Variants in HMBOX1 observed in about 807,000 individuals in gnomAD.
HMBOX1 encodes homeobox containing 1.
HMBOX1 carries 14 observed loss-of-function variants against 54.5 expected under a neutral mutation model. The observed-to-expected ratio is 0.26, with a 90% CI of 0.17 to 0.40. The LOEUF (loss-of-function observed/expected upper bound fraction) is 0.40. HMBOX1 is among the 10% of genes least tolerant of loss of function. The pLI is 1.00. For missense variants in HMBOX1, 332 were observed against 514.4 expected (o/e 0.65, Z 3.43); for synonymous variants, 160 against 181.0 (o/e 0.88, Z 0.93).
At chr8:28,940,687 T>A (rs1262827224) in intron 1 of HMBOX1, among the ~76,000 whole-genome samples, 1 of 152,226 alleles carries the variant, frequency 6.6e-6, no homozygotes, top group Non-Finnish European at 1.5e-5. Flanking sequence ...TTGCATTCTG[T>A]CTCTGGCTTC....
At chr8:28,946,172 C>T (rs1364473082) in intron 1 of HMBOX1, among the ~76,000 whole-genome samples, 1 of 151,416 alleles carries the variant, frequency 6.6e-6, no homozygotes, top group African/African-American at 2.4e-5. Flanking sequence ...AGGCTGGTCT[C>T]GAGCTCCTGA....
At chr8:28,918,071 A>G (rs1296640468) in intron 1 of HMBOX1, among the ~76,000 whole-genome samples, 3 of 152,154 alleles carry the variant, frequency 2.0e-5, no homozygotes, top group Non-Finnish European at 2.9e-5. Context: ...TAGGATTGCC[A>G]TTATTTCTTC....
At chr8:29,031,822 AATGTCATGCAAGAG>A (rs1253036949) in intron 6 of HMBOX1, among the ~76,000 whole-genome samples, 20 of 152,280 alleles carry the variant, frequency 1.3e-4, no homozygotes, top group African/African-American at 4.1e-4. Flanking sequence ...TCAGGTTAAA[AATGTCATGCAAGAG>A]ATGTGTACCA....
intron 4 of HMBOX1, among the ~76,000 whole-genome samples, chr8:29,000,219 C>G (rs1052438843): frequency 6.6e-6 from 1 of 152,274 alleles, no homozygotes; most frequent in Admixed American, 6.5e-5. Flanking sequence ...TGTCAAGGGG[C>G]TCTCTCTGTG....
intron 6 of HMBOX1, among the ~76,000 whole-genome samples, chr8:29,030,846 C>T (rs369063890): frequency 4.6e-5 from 7 of 152,146 alleles, no homozygotes; most frequent in Admixed American, 1.3e-4. Flanking sequence ...TATCTTAATA[C>T]TTTGTTTAGC....
chr8:28,952,381 C>A (rs1413504899), intron 1 of HMBOX1, among the ~76,000 whole-genome samples: 1 of 151,880 alleles, frequency 6.6e-6, no homozygotes, highest in African/African-American at 2.4e-5. Flanking sequence ...TTACAGGCCC[C>A]CACCACCGCT....
At chr8:28,953,134 A>G (rs1184313702) in intron 1 of HMBOX1, among the ~76,000 whole-genome samples, 1 of 152,230 alleles carries the variant, frequency 6.6e-6, no homozygotes, top group Non-Finnish European at 1.5e-5. Flanking sequence ...AGAAGTGTTC[A>G]TTAAATAGTG....
intron 1 of HMBOX1, among the ~76,000 whole-genome samples, chr8:28,926,020 C>A (rs1818383374): frequency 6.6e-6 from 1 of 151,924 alleles, no homozygotes; most frequent in Admixed American, 6.6e-5. Flanking sequence ...GAACCTGGGC[C>A]AGGTGCGGTG....
intron 1 of HMBOX1, among the ~76,000 whole-genome samples, chr8:28,929,437 G>A (rs1819088289): frequency 6.6e-6 from 1 of 152,176 alleles, no homozygotes; most frequent in Admixed American, 6.5e-5. Flanking sequence ...AGTAGTGGTG[G>A]CAGTGGTGAT....
chr8:28,951,737 A>T (rs1362867673), intron 1 of HMBOX1, among the ~76,000 whole-genome samples: 1 of 152,194 alleles, frequency 6.6e-6, no homozygotes, highest in Non-Finnish European at 1.5e-5. Context: ...ATAATTTTAA[A>T]ATATAGGCCC....
At chr8:29,018,453 C>T (rs915533958) in intron 5 of HMBOX1, among the ~76,000 whole-genome samples, 5 of 152,006 alleles carry the variant, frequency 3.3e-5, no homozygotes, top group African/African-American at 1.2e-4. Flanking sequence ...CTGTATTTCA[C>T]TCTTTAAAAA....
chr8:28,906,477 ATACT>A (rs1323109493), intron 1 of HMBOX1, among the ~76,000 whole-genome samples: 2 of 152,238 alleles, frequency 1.3e-5, no homozygotes, highest in Admixed American at 6.5e-5. Context: ...CATTTATAAA[ATACT>A]TAGTATTTGA....
At chr8:28,989,532 A>C (rs185562531) in intron 4 of HMBOX1, among the ~76,000 whole-genome samples, 1 of 152,204 alleles carries the variant, frequency 6.6e-6, no homozygotes, top group Admixed American at 6.5e-5. Context: ...CATGCATGCA[A>C]GGTCTGTTTC....
intron 6 of HMBOX1, among the ~76,000 whole-genome samples, chr8:29,038,909 T>G (rs933280392): frequency 2.0e-5 from 3 of 152,208 alleles, no homozygotes; most frequent in Admixed American, 2.0e-4. Flanking sequence ...TCATACACTG[T>G]GTATTCTAGC....
At chr8:28,932,980 A>T (rs1270651373) in intron 1 of HMBOX1, among the ~76,000 whole-genome samples, 1 of 152,214 alleles carries the variant, frequency 6.6e-6, no homozygotes, top group African/African-American at 2.4e-5. Context: ...AGCAGAAGCT[A>T]GCAGAGGCTC....
At chr8:29,008,418 C>CAG in intron 4 of HMBOX1, among the ~76,000 whole-genome samples, 1 of 152,086 alleles carries the variant, frequency 6.6e-6, no homozygotes, top group East Asian at 1.9e-4. Flanking sequence ...TTGTGGAAAG[C>CAG]TTGTGTTGGA....
chr8:28,930,250 C>T, intron 1 of HMBOX1, among the ~76,000 whole-genome samples: 1 of 152,108 alleles, frequency 6.6e-6, no homozygotes, highest in East Asian at 1.9e-4. Context: ...TAACTGAGGT[C>T]TAAGACCTGG....
At chr8:28,995,207 G>T (rs1013868546) in intron 4 of HMBOX1, among the ~76,000 whole-genome samples, 1 of 152,078 alleles carries the variant, frequency 6.6e-6, no homozygotes, top group Non-Finnish European at 1.5e-5. Context: ...TATACTTTCT[G>T]TCTCTGCAGA....
chr8:28,926,302 TATACAC>T (rs1818462576), intron 1 of HMBOX1, among the ~76,000 whole-genome samples: 2 of 143,528 alleles, frequency 1.4e-5, no homozygotes, highest in Non-Finnish European at 3.0e-5. Context: ...TATATATATA[TATACAC>T]ACACACACAC....
Sources: allele counts gnomAD v4.1 joint callset (sites outside exome capture counted in the v4.1 genomes callset), GRCh38; gene constraint gnomAD v4.1.1; transcripts MANE v1.5; gene names NCBI Gene and HGNC (gene_info 2026-07-23, HGNC 2026-07-21).